LMX1B: variants seen among roughly 807,000 people sequenced by gnomAD.
LMX1B encodes LIM homeobox transcription factor 1-beta.
In LMX1B, 12 loss-of-function variants were observed where a neutral mutation model predicts 51.4. The ratio of observed to expected loss-of-function variants is 0.23; its 90% CI spans 0.15 to 0.38. The LOEUF (loss-of-function observed/expected upper bound fraction) is 0.38. LMX1B is among the 10% of genes least tolerant of loss of function. LMX1B has a pLI of 1.00. For synonymous variants in LMX1B, 237 were observed against 235.4 expected, an observed-to-expected ratio of 1.01 and a Z score of -0.06; for missense variants, 445 against 571.1, an observed-to-expected ratio of 0.78 and a Z score of 2.25.
chr9:126,659,597 T>C (rs1027298250), intron 2 of LMX1B, among the ~76,000 whole-genome samples: 2 of 151,802 alleles, frequency 1.3e-5, no homozygotes, highest in African/African-American at 4.8e-5. Flanking sequence ...GTCCTGTATG[T>C]GTGTCTATAC....
chr9:126,693,880 C>A, intron 6 of LMX1B, 68 bp downstream of exon 6: 1 of 761,758 alleles, frequency 1.3e-6, no homozygotes, highest in Non-Finnish European at 2.2e-6. Context: ...TGGGCCTAGG[C>A]CAGGGTGAGC....
intron 2 of LMX1B, among the ~76,000 whole-genome samples, chr9:126,650,801 C>G (rs558878843): frequency 6.6e-6 from 1 of 152,312 alleles, no homozygotes; most frequent in East Asian, 1.9e-4. Flanking sequence ...GGGCGGCCCT[C>G]GGCAGGCAGG....
At chr9:126,624,386 A>G (rs1029056054) in intron 2 of LMX1B, among the ~76,000 whole-genome samples, 1 of 152,214 alleles carries the variant, frequency 6.6e-6, no homozygotes, top group Non-Finnish European at 1.5e-5. Flanking sequence ...TGTTGAGCAC[A>G]GCCCTCGCCC....
At chr9:126,624,361 G>A (rs1835479360) in intron 2 of LMX1B, among the ~76,000 whole-genome samples, 2 of 152,198 alleles carry the variant, frequency 1.3e-5, no homozygotes, top group African/African-American at 4.8e-5. Flanking sequence ...GGGGAGAGCT[G>A]GCATTTTCAT....
intron 2 of LMX1B, among the ~76,000 whole-genome samples, chr9:126,676,839 C>T (rs1002742912): frequency 6.6e-6 from 1 of 152,092 alleles, no homozygotes. Flanking sequence ...CTGCTGCGGG[C>T]GAGGGGAAAG....
Position 126,673,365 on chromosome 9 carries a change from C to A in LMX1B, c.327-17471C>A, listed in dbSNP as rs768233825. Among the ~76,000 whole-genome samples the A allele has an allele frequency of 2.6e-4, 39 of 152,060 alleles. No individual in the cohort carries two copies. Among genetic ancestry groups the A allele is most frequent in the Admixed American group, 1.3e-4 (2 of 15,272 alleles). On this transcript the variant is annotated intron_variant, in intron 2 of 7. Transcript: ENST00000373474. The surrounding 1 kb of genome is among the most constrained non-coding windows in gnomAD (Gnocchi z 4.4). ...CTTCCTGGGCGTCTGACACACCAGGCCCCACAAACAACTCCGCACCAGGGA... is the reference window on the plus strand; with the variant it reads ...CTTCCTGGGCGTCTGACACACCAGGACCCACAAACAACTCCGCACCAGGGA...
At position 126,615,331 on chromosome 9, in the gene LMX1B, G is replaced by C. The variant is rs1482322437; in HGVS notation, c.140-52G>C. 2 of 1,398,656 alleles carry C rather than the reference G, an allele frequency of 1.4e-6. No individual in the cohort carries two copies. Among genetic ancestry groups the C allele is most frequent in the Admixed American group, 2.9e-5 (1 of 34,500 alleles). 86.6% of individuals were successfully genotyped at this position (1,398,656 alleles called of 1,614,324 possible). On this transcript the variant is annotated intron_variant, in intron 1 of 7. Transcript: ENST00000373474. The surrounding 1 kb of genome is among the most constrained non-coding windows in gnomAD (Gnocchi z 6.0). ...GTGGGCCCGGTGCGACCGGGACGCCGGGGCTGGGCCGGGCGGCGCTGACGG... is the reference window on the plus strand; with the variant it reads ...GTGGGCCCGGTGCGACCGGGACGCCCGGGCTGGGCCGGGCGGCGCTGACGG...
intron 2 of LMX1B, among the ~76,000 whole-genome samples, chr9:126,672,308 G>A (rs112988428): frequency 0.014 from 2,078 of 152,296 alleles, 44 homozygotes; most frequent in African/African-American, 0.041. Context: ...TTTCTCCCAC[G>A]GAATAATGGA....
chr9:126,633,963 C>T (rs1371553517), intron 2 of LMX1B, among the ~76,000 whole-genome samples: 2 of 152,062 alleles, frequency 1.3e-5, no homozygotes, highest in Non-Finnish European at 2.9e-5. Context: ...AGTTGGCCTC[C>T]GAGATGCCTC....
intron 2 of LMX1B, among the ~76,000 whole-genome samples, chr9:126,619,525 G>A (rs1165108235): frequency 6.6e-6 from 1 of 152,224 alleles, no homozygotes; most frequent in Non-Finnish European, 1.5e-5. Context: ...TGCTTGGGAG[G>A]AGGAGCCAGG....
chr9:126,650,822 G>A (rs1004857406), intron 2 of LMX1B, among the ~76,000 whole-genome samples: 1 of 152,226 alleles, frequency 6.6e-6, no homozygotes, highest in South Asian at 2.1e-4. Flanking sequence ...GAAACTGCTC[G>A]CCATACCTAT....
chr9:126,648,327 C>T (rs1164046796), intron 2 of LMX1B, among the ~76,000 whole-genome samples: 3 of 152,186 alleles, frequency 2.0e-5, no homozygotes, highest in South Asian at 2.1e-4. Flanking sequence ...TAGCCTCCCT[C>T]GAAGGCAGGT....
chr9:126,685,863 T>C lies in LMX1B; in HGVS notation c.327-4973T>C, dbSNP rs142839901. Among the ~76,000 whole-genome samples, 719 of 152,110 alleles carry C rather than the reference T, an allele frequency of 4.7e-3. 2 individuals carry two copies. Among genetic ancestry groups the C allele is most frequent in the Middle Eastern group, 0.01 (3 of 292 alleles). On this transcript the variant is annotated intron_variant, in intron 2 of 7. Transcript: ENST00000373474. ...CCATTGGACAGATGTGGACAGAGGC[T>C]CAAGAGAAGGGACTTGTGCAAGATT...
intron 2 of LMX1B, among the ~76,000 whole-genome samples, chr9:126,619,099 G>A (rs1000248409): frequency 8.5e-5 from 13 of 152,218 alleles, no homozygotes; most frequent in African/African-American, 2.9e-4. Context: ...GCCTACGTTG[G>A]CAGCAGGGGA....
chr9:126,657,115 A>G (rs1360868752), intron 2 of LMX1B, among the ~76,000 whole-genome samples: 1 of 152,220 alleles, frequency 6.6e-6, no homozygotes, highest in Non-Finnish European at 1.5e-5. Context: ...AATTTTTTCA[A>G]TATTTTATTG....
At chr9:126,650,099 C>T (rs1012595452) in intron 2 of LMX1B, among the ~76,000 whole-genome samples, 1 of 152,206 alleles carries the variant, frequency 6.6e-6, no homozygotes, top group Admixed American at 6.5e-5. Context: ...GCAGAGGCAG[C>T]AGCCAGGAGC....
intron 2 of LMX1B, among the ~76,000 whole-genome samples, chr9:126,648,599 C>A (rs1835946328): frequency 6.6e-6 from 1 of 152,160 alleles, no homozygotes; most frequent in Admixed American, 6.5e-5. Flanking sequence ...TGGGGACGAT[C>A]ATTAATATAA....
chr9:126,653,955 C>G (rs1177528585), intron 2 of LMX1B, among the ~76,000 whole-genome samples: 1 of 152,120 alleles, frequency 6.6e-6, no homozygotes, highest in African/African-American at 2.4e-5. Flanking sequence ...TGGAACTCTC[C>G]CCTTCTCTCC....
chr9:126,657,463 A>T (rs1836138718), intron 2 of LMX1B, among the ~76,000 whole-genome samples: 1 of 152,224 alleles, frequency 6.6e-6, no homozygotes, highest in Non-Finnish European at 1.5e-5. Flanking sequence ...CAATGGTGAC[A>T]TGTTTCCAGG....
Sources: gnomAD v4.1 joint callset for allele counts (sites outside exome capture counted in the v4.1 genomes callset) on GRCh38, gnomAD v4.1.1 for gene constraint, Gnocchi (gnomAD v3.1) non-coding constraint, MANE v1.5 for transcripts, NCBI Gene and HGNC (gene_info 2026-07-23, HGNC 2026-07-21) for gene names.